The following SLC10A7 variants were observed in gnomAD, a reference collection of about 807,000 sequenced individuals.
SLC10A7 encodes the protein solute carrier family 10 member 7.
In SLC10A7, 29 loss-of-function variants were observed where a neutral mutation model predicts 43.2. The ratio of observed to expected loss-of-function variants is 0.67; its 90% CI spans 0.50 to 0.92. The LOEUF (loss-of-function observed/expected upper bound fraction) is 0.92, where lower values mean the gene tolerates loss of function less well. Among genes scored for constraint, SLC10A7 ranks in the 40% least tolerant of loss-of-function variants. The probability of loss-of-function intolerance (pLI) is 0.00; values close to 1 mark genes in which losing one functional copy is unlikely to be tolerated. For missense variants in SLC10A7, 295 were observed against 403.2 expected (o/e 0.73, Z 2.30); for synonymous variants, 152 against 144.8 (o/e 1.05, Z -0.35).
chr4:146,461,075 A>G (rs563912459), intron 4 of SLC10A7, among the ~76,000 whole-genome samples: 8 of 152,124 alleles, frequency 5.3e-5, no homozygotes, highest in African/African-American at 1.9e-4. Flanking sequence ...ATGTCTTTTC[A>G]CGTCATTATT....
rs886194427 is a variant in SLC10A7, at chr4:146,432,932, G to A, written c.435+9851C>T. ...ACGCGCCTGTAGTCCCAGCTACTCGGGAGGCTGAGGCAGGAGAATAGCGTG... is the reference window on the plus strand; with the variant it reads ...ACGCGCCTGTAGTCCCAGCTACTCGAGAGGCTGAGGCAGGAGAATAGCGTG... On this transcript the variant is annotated intron_variant, in intron 5 of 11. Coordinates refer to ENST00000335472, the MANE Select transcript of SLC10A7 (RefSeq NM_001029998.6). Among the ~76,000 whole-genome samples, 3 of 151,382 alleles carry A rather than the reference G, an allele frequency of 2.0e-5. No homozygotes were observed. In the East Asian group the frequency reaches 6.0e-4, roughly 30 times the overall value.
rs1213961811 is a variant in SLC10A7, at chr4:146,350,951, T to C, written c.436-24955A>G. 4.2e-4 allele frequency among the ~76,000 whole-genome samples: 62 copies of C among 147,232 alleles called. 1 individual carries two copies. The South Asian group carries it at 0.013, about 30-fold the overall frequency. Reference sequence around the variant, plus strand: ...TGGGGAAAAAACAGAACAGAAAAACTGGAAACTCTAAAACGCAGAGCGCCT... The same window carrying C: ...TGGGGAAAAAACAGAACAGAAAAACCGGAAACTCTAAAACGCAGAGCGCCT... On this transcript the variant is annotated intron_variant, in intron 5 of 11. Coordinates refer to ENST00000335472, the MANE Select transcript of SLC10A7 (RefSeq NM_001029998.6).
intron 8 of SLC10A7, among the ~76,000 whole-genome samples, 186 bp downstream of exon 8, chr4:146,293,744 C>T (rs1038650811): frequency 3.9e-5 from 6 of 151,934 alleles, no homozygotes; most frequent in South Asian, 2.1e-4. Flanking sequence ...AAGGAAATTA[C>T]GATATAAGTG....
At chr4:146,271,108 T>TAGTGA (rs2111050548) in intron 10 of SLC10A7, among the ~76,000 whole-genome samples, 1 of 152,268 alleles carries the variant, frequency 6.6e-6, no homozygotes, top group South Asian at 2.1e-4. Context: ...TGGAGCTCTT[T>TAGTGA]TCTCTACACA....
chr4:146,407,124 T>C (rs1727771887), intron 5 of SLC10A7, among the ~76,000 whole-genome samples: 1 of 152,180 alleles, frequency 6.6e-6, no homozygotes, highest in African/African-American at 2.4e-5. Flanking sequence ...GATATCTCAT[T>C]GTACATAGAA....
intron 4 of SLC10A7, among the ~76,000 whole-genome samples, chr4:146,469,705 T>G (rs1286998924): frequency 1.3e-5 from 2 of 152,192 alleles, no homozygotes; most frequent in Non-Finnish European, 2.9e-5. Context: ...CATGGCTTAC[T>G]GCAGCCTCAA....
intron 4 of SLC10A7, among the ~76,000 whole-genome samples, chr4:146,470,182 T>C (rs1560939906): frequency 6.6e-6 from 1 of 152,146 alleles, no homozygotes; most frequent in Non-Finnish European, 1.5e-5. Context: ...TTCTCTCCTA[T>C]CTCATGGGCT....
chr4:146,355,529 C>A (rs1156662756), intron 5 of SLC10A7, among the ~76,000 whole-genome samples: 21 of 151,310 alleles, frequency 1.4e-4, no homozygotes, highest in African/African-American at 5.1e-4. Flanking sequence ...CCCAGCCATC[C>A]CATTACTGGG....
chr4:146,362,301 T>A (rs1233647760), intron 5 of SLC10A7, among the ~76,000 whole-genome samples: 1 of 151,942 alleles, frequency 6.6e-6, no homozygotes, highest in Non-Finnish European at 1.5e-5. Context: ...AGACATATAA[T>A]AATCCAACTC....
intron 4 of SLC10A7, among the ~76,000 whole-genome samples, chr4:146,482,194 C>T (rs1734535054): frequency 6.6e-6 from 1 of 152,114 alleles, no homozygotes; most frequent in Non-Finnish European, 1.5e-5. Context: ...AATGCAAAAA[C>T]ACAAGACACA....
At chr4:146,510,224 A>G (rs911563081) in intron 2 of SLC10A7, among the ~76,000 whole-genome samples, 175 bp from the exon 3 acceptor site, 2 of 151,954 alleles carry the variant, frequency 1.3e-5, no homozygotes, top group African/African-American at 4.8e-5. Flanking sequence ...AAAGTTACTC[A>G]TGAAGGCTAT....
intron 5 of SLC10A7, among the ~76,000 whole-genome samples, chr4:146,358,315 G>T (rs1316581355): frequency 2.0e-5 from 3 of 152,054 alleles, no homozygotes; most frequent in African/African-American, 7.2e-5. Context: ...GAGTTGATGT[G>T]GGAGGGAAAG....
chr4:146,338,102 C>T (rs1426372338), intron 5 of SLC10A7, among the ~76,000 whole-genome samples: 1 of 151,808 alleles, frequency 6.6e-6, no homozygotes, highest in Non-Finnish European at 1.5e-5. Context: ...ATTAGGCATG[C>T]AATAATTTTT....
intron 5 of SLC10A7, among the ~76,000 whole-genome samples, chr4:146,330,902 T>C (rs1733487868): frequency 6.6e-6 from 1 of 152,092 alleles, no homozygotes; most frequent in South Asian, 2.1e-4. Context: ...TCCAAATCAC[T>C]ATCACTGCTG....
At chr4:146,268,607 A>C (rs970974544) in intron 10 of SLC10A7, among the ~76,000 whole-genome samples, 2 of 152,190 alleles carry the variant, frequency 1.3e-5, no homozygotes, top group Non-Finnish European at 2.9e-5. Flanking sequence ...TATGCCAGGC[A>C]CTGTTCTGAG....
At chr4:146,451,603 C>G (rs373137181) in intron 4 of SLC10A7, among the ~76,000 whole-genome samples, 2 of 152,190 alleles carry the variant, frequency 1.3e-5, no homozygotes. Flanking sequence ...TGGCACACCA[C>G]ATCAATAGAA....
At chr4:146,423,297 A>G (rs1729090599) in intron 5 of SLC10A7, among the ~76,000 whole-genome samples, 1 of 152,030 alleles carries the variant, frequency 6.6e-6, no homozygotes, top group South Asian at 2.1e-4. Flanking sequence ...TTAACAAGTC[A>G]TTTTCTCTGT....
chr4:146,364,345 A>T (rs1736251758), intron 5 of SLC10A7, among the ~76,000 whole-genome samples: 1 of 152,162 alleles, frequency 6.6e-6, no homozygotes, highest in South Asian at 2.1e-4. Context: ...CAAAGCTGTA[A>T]GACAATGTCT....
chr4:146,310,898 G>T (rs1457771837), intron 6 of SLC10A7, among the ~76,000 whole-genome samples: 1 of 145,956 alleles, frequency 6.9e-6, no homozygotes, highest in Admixed American at 7.0e-5. Context: ...AGGGGAAGGG[G>T]GCACTAGTGA....
Sources: gnomAD v4.1 joint callset for allele counts (sites outside exome capture counted in the v4.1 genomes callset) on GRCh38, gnomAD v4.1.1 for gene constraint, MANE v1.5 for transcripts, NCBI Gene and HGNC (gene_info 2026-07-23, HGNC 2026-07-21) for gene names.